Variants in ROBO1 observed in about 807,000 individuals in gnomAD.
ROBO1 encodes the protein roundabout homolog 1.
ROBO1 carries 149 observed loss-of-function variants against 195.9 expected under a neutral mutation model. The ratio of observed to expected loss-of-function variants is 0.76; its 90% CI spans 0.67 to 0.87. The LOEUF is 0.87. Ranked by LOEUF, ROBO1 falls within the 40% of genes least tolerant of loss-of-function variation. ROBO1 has a pLI of 0.00. For missense variants in ROBO1, 1,933 were observed against 2,068.3 expected (o/e 0.93, Z 1.27); for synonymous variants, 816 against 733.2 (o/e 1.11, Z -1.82).
At chr3:79,554,221 A>C (rs1942621337) in intron 2 of ROBO1, among the ~76,000 whole-genome samples, 1 of 152,032 alleles carries the variant, frequency 6.6e-6, no homozygotes, top group South Asian at 2.1e-4. Flanking sequence ...ATGCAATTTC[A>C]TGATACTGAG....
rs2081701630 is a variant in ROBO1 at position 78,711,353 on chromosome 3, TCCTTCCTTCCTTCCTTCCTTCCTTCCTTC to T, written c.1045+3015_1045+3043del. Among the ~76,000 whole-genome samples the T allele has an allele frequency of 1.1e-3, 47 of 42,376 alleles. 1 individual carries two copies. Among genetic ancestry groups the T allele is most frequent in the African/African-American group, 5.3e-3 (45 of 8,526 alleles). 27.8% of individuals were successfully genotyped at this position (42,376 alleles called of 152,430 possible). On this transcript the variant is annotated intron_variant, in intron 8 of 30. Coordinates refer to ENST00000464233, the MANE Select transcript of ROBO1 (RefSeq NM_002941.4). ...CTTCCTTCCTTCCTTCCTTCCTCCTTCCTTCCTTCCTTCCTTCCTTCCTTCCTTCCTTCCTTCCTTCCTTCCTTTCTTTC... is the reference window on the plus strand; with the variant it reads ...CTTCCTTCCTTCCTTCCTTCCTCCTTCTTCCTTCCTTCCTTCCTTTCTTTC...
chr3:79,508,786 G>A (rs1439398761), intron 2 of ROBO1, among the ~76,000 whole-genome samples: 1 of 152,132 alleles, frequency 6.6e-6, no homozygotes, highest in Non-Finnish European at 1.5e-5. Flanking sequence ...TATTTAGCAT[G>A]GGTTTTGTTG....
At chr3:78,927,944 G>GTAA (rs1356196267) in intron 4 of ROBO1, among the ~76,000 whole-genome samples, 3 of 152,150 alleles carry the variant, frequency 2.0e-5, no homozygotes, top group African/African-American at 7.2e-5. Flanking sequence ...GCCTAACATA[G>GTAA]TAAACAGCAG....
At chr3:79,234,974 T>C (rs1270206932) in intron 2 of ROBO1, among the ~76,000 whole-genome samples, 1 of 152,054 alleles carries the variant, frequency 6.6e-6, no homozygotes, top group Non-Finnish European at 1.5e-5. Flanking sequence ...GAATCTAAAA[T>C]AAAATTTGAA....
intron 4 of ROBO1, among the ~76,000 whole-genome samples, chr3:78,786,076 T>C (rs1231967156): frequency 2.0e-5 from 3 of 151,514 alleles, no homozygotes; most frequent in African/African-American, 7.2e-5. Flanking sequence ...ATAAAATTAG[T>C]AAAGAGAAAT....
chr3:79,632,757 T>C (rs929053085), intron 1 of ROBO1, among the ~76,000 whole-genome samples: 66 of 152,202 alleles, frequency 4.3e-4, no homozygotes, highest in Middle Eastern at 3.4e-3. Context: ...CAAAAAACAT[T>C]ACTTCTAAAA....
At chr3:79,294,153 C>T (rs559182456) in intron 2 of ROBO1, among the ~76,000 whole-genome samples, 229 of 147,458 alleles carry the variant, frequency 1.6e-3, no homozygotes, top group African/African-American at 5.2e-3. Context: ...CAATCTTAAG[C>T]AAAAAGAACA....
chr3:79,220,366 C>A (rs1014269582), intron 2 of ROBO1, among the ~76,000 whole-genome samples: 1 of 151,958 alleles, frequency 6.6e-6, no homozygotes, highest in Admixed American at 6.6e-5. Flanking sequence ...TGTCTGTTTG[C>A]CAGTTTGAGA....
At chr3:79,684,653 TATGATG>T (rs111991356) in intron 1 of ROBO1, among the ~76,000 whole-genome samples, 3 of 151,022 alleles carry the variant, frequency 2.0e-5, no homozygotes, top group African/African-American at 7.3e-5. Context: ...ACTCCTGAAT[TATGATG>T]ATGATGATGA....
At chr3:78,778,301 T>G (rs1394742054) in intron 4 of ROBO1, among the ~76,000 whole-genome samples, 1 of 152,160 alleles carries the variant, frequency 6.6e-6, no homozygotes, top group African/African-American at 2.4e-5. Context: ...TTTTCTTTTT[T>G]TGTTGTGTCT....
chr3:79,028,350 C>T (rs2078237601), intron 3 of ROBO1, among the ~76,000 whole-genome samples: 1 of 151,642 alleles, frequency 6.6e-6, no homozygotes, highest in African/African-American at 2.4e-5. Flanking sequence ...ATGAAACCTA[C>T]ATTTTCACTC....
chr3:78,632,886 G>T (rs1231182682), intron 24 of ROBO1, among the ~76,000 whole-genome samples: 1 of 152,108 alleles, frequency 6.6e-6, no homozygotes, highest in East Asian at 1.9e-4. Flanking sequence ...TCTTAATTCA[G>T]GATTGACTTA....
At chr3:79,529,579 T>A (rs1941567758) in intron 2 of ROBO1, among the ~76,000 whole-genome samples, 1 of 152,224 alleles carries the variant, frequency 6.6e-6, no homozygotes, top group Non-Finnish European at 1.5e-5. Context: ...GCACAAGCAC[T>A]GCAACACTGT....
intron 8 of ROBO1, among the ~76,000 whole-genome samples, chr3:78,690,239 A>G (rs1442468545): frequency 1.3e-5 from 2 of 151,560 alleles, no homozygotes; most frequent in Non-Finnish European, 2.9e-5. Context: ...GAAAGTAATT[A>G]GAACTCCTAC....
intron 3 of ROBO1, among the ~76,000 whole-genome samples, chr3:79,049,725 G>C (rs2078660910): frequency 6.6e-6 from 1 of 152,136 alleles, no homozygotes; most frequent in Non-Finnish European, 1.5e-5. Flanking sequence ...CAAGCCAGAA[G>C]AGAGTGGTGG....
intron 3 of ROBO1, among the ~76,000 whole-genome samples, chr3:78,956,005 T>A (rs2041030841): frequency 6.6e-6 from 1 of 152,134 alleles, no homozygotes; most frequent in Non-Finnish European, 1.5e-5. Flanking sequence ...CTCTTGCAGA[T>A]CCTAAGGGCA....
chr3:79,214,588 A>C (rs2082021060), intron 2 of ROBO1, among the ~76,000 whole-genome samples: 1 of 152,052 alleles, frequency 6.6e-6, no homozygotes. Flanking sequence ...GTGCTCAACC[A>C]ATGTTAACTT....
intron 1 of ROBO1, among the ~76,000 whole-genome samples, chr3:79,706,923 A>G (rs1268217312): frequency 6.6e-6 from 1 of 151,972 alleles, no homozygotes; most frequent in Non-Finnish European, 1.5e-5. Flanking sequence ...TTTGGTGAGG[A>G]TTTTTACATT....
chr3:79,432,551 G>A (rs1380656819), intron 2 of ROBO1, among the ~76,000 whole-genome samples: 5 of 152,066 alleles, frequency 3.3e-5, no homozygotes, highest in East Asian at 1.9e-4. Context: ...CAGGTAACAC[G>A]AGCAAAGCAT....
Sources: allele counts gnomAD v4.1 joint callset (sites outside exome capture counted in the v4.1 genomes callset), GRCh38; gene constraint gnomAD v4.1.1; transcripts MANE v1.5; gene names NCBI Gene and HGNC (gene_info 2026-07-23, HGNC 2026-07-21).